The following CLMP variants were observed in gnomAD, a reference collection of about 807,000 sequenced individuals.
The protein encoded by CLMP is CXADR like cell adhesion molecule, also known as CXADR-like membrane protein.
A neutral mutation model predicts 45.2 loss-of-function variants in CLMP; 27 were observed. That is an observed-to-expected ratio of 0.60 (90% CI 0.44 to 0.82). The LOEUF (loss-of-function observed/expected upper bound fraction) is 0.82. CLMP is among the 40% of genes least tolerant of loss of function. The pLI, the probability that CLMP is intolerant of heterozygous loss-of-function variation, is 0.00. For synonymous variants in CLMP, 167 were observed against 171.4 expected (o/e 0.97, Z 0.20); for missense variants, 403 against 448.4 (o/e 0.90, Z 0.91).
rs577816384 is a variant in CLMP at position 123,190,725 on chromosome 11, T to C, written c.28+4188A>G. On this transcript the variant is annotated intron_variant, in intron 1 of 6. Coordinates refer to ENST00000448775, the MANE Select transcript of CLMP (RefSeq NM_024769.5). The stretch of plus-strand genomic sequence containing the variant: ...GAAATGTTATGACGCCTGCCTGATT[T>C]TTCAGGCAATTTCTCATATAATAAA... Among the ~76,000 whole-genome samples, 181 of 152,328 alleles carry C rather than the reference T, an allele frequency of 1.2e-3. 1 individual carries two copies. The highest frequency in any genetic ancestry group is 3.4e-3 in the Middle Eastern group (1 of 294).
chr11:123,191,639 A>G (rs1340719012), intron 1 of CLMP: 1 of 152,256 alleles, frequency 6.6e-6, no homozygotes, highest in African/African-American at 2.4e-5. Flanking sequence ...TTGCATTAAT[A>G]GACAAGGAAG....
intron 1 of CLMP, among the ~76,000 whole-genome samples, chr11:123,168,961 A>G (rs1168095414): frequency 1.3e-5 from 2 of 152,190 alleles, no homozygotes; most frequent in African/African-American, 4.8e-5. Context: ...ATGAGAGGGT[A>G]GTGGGGAAAC....
At chr11:123,105,399 TC>T (rs2135486512) in intron 1 of CLMP, among the ~76,000 whole-genome samples, 1 of 132,134 alleles carries the variant, frequency 7.6e-6, no homozygotes, top group Admixed American at 7.7e-5. Context: ...CTTCCTTCCT[TC>T]CTTCCTCTCT....
intron 1 of CLMP, among the ~76,000 whole-genome samples, chr11:123,149,786 T>C (rs76810576): frequency 1.3e-4 from 13 of 103,068 alleles, no homozygotes; most frequent in African/African-American, 5.6e-4. Context: ...TTTCTTTCTT[T>C]CTTCCTTTCT....
intron 1 of CLMP, among the ~76,000 whole-genome samples, chr11:123,110,211 T>A (rs1197948599): frequency 6.6e-6 from 1 of 152,036 alleles, no homozygotes; most frequent in East Asian, 1.9e-4. Flanking sequence ...ATCCCAGCAC[T>A]TTGGGGGGCT....
At chr11:123,150,480 A>AAAGAAAGAAAGAAAAAGGAAGG (rs764502298) in intron 1 of CLMP, among the ~76,000 whole-genome samples, 1 of 40,962 alleles carries the variant, frequency 2.4e-5, no homozygotes, top group Non-Finnish European at 4.7e-5. Context: ...AGAAAGAAAG[A>AAAGAAAGAAAGAAAAAGGAAGG]AAGGAAGGAA....
chr11:123,127,183 G>A (rs944787237), intron 1 of CLMP, among the ~76,000 whole-genome samples: 2 of 151,818 alleles, frequency 1.3e-5, no homozygotes, highest in Admixed American at 6.6e-5. Flanking sequence ...GTGCAGTGGC[G>A]TGATCTCAGC....
At chr11:123,167,854 C>T (rs1283070675) in intron 1 of CLMP, among the ~76,000 whole-genome samples, 1 of 152,176 alleles carries the variant, frequency 6.6e-6, no homozygotes, top group African/African-American at 2.4e-5. Context: ...AACATGCCTC[C>T]TTCCCTGTCC....
intron 1 of CLMP, among the ~76,000 whole-genome samples, chr11:123,116,424 C>A (rs916874672): frequency 6.6e-6 from 1 of 151,898 alleles, no homozygotes; most frequent in African/African-American, 2.4e-5. Flanking sequence ...AAAAATTAGC[C>A]AGGCATGGTG....
At chr11:123,152,173 AATT>A (rs1861344746) in intron 1 of CLMP, among the ~76,000 whole-genome samples, 3 of 152,164 alleles carry the variant, frequency 2.0e-5, no homozygotes, top group South Asian at 4.1e-4. Flanking sequence ...AAATCTTAAT[AATT>A]ATAAGGAGCT....
chr11:123,097,890 C>T lies in CLMP; in HGVS notation c.91G>A (p.Val31Ile), dbSNP rs140007158. 1.2e-5 allele frequency: 20 copies of T among 1,609,918 alleles called. No homozygotes were observed. The Middle Eastern group carries it at 8.2e-4, about 66-fold the overall frequency. ...TEIKRVAEEK[V>I]TLPCHHQLGL... ...AGTTGATGGTGGCAGGGCAAAGTGA[C>T]CTTTTCCTCTGCCACTCTCTTGATC... The change falls in exon 2 of 7, where the codon GTC becomes ATC. Residue 31 changes from valine (V) to isoleucine (I), a missense_variant. Physicochemically the swap from Val to Ile is conservative, Grantham distance 29. Coordinates refer to ENST00000448775, the MANE Select transcript of CLMP (RefSeq NM_024769.5).
rs2276348 is a variant in CLMP, at chr11:123,084,694, C to T, written c.206G>A (p.Arg69His). Residue 69 changes from arginine to histidine, a missense_variant, in exon 3 of 7, where the codon CGT (arginine) becomes CAT (histidine). Arg to His is a conservative substitution (Grantham distance 29, BLOSUM62 0). Coordinates refer to ENST00000448775, the MANE Select transcript of CLMP (RefSeq NM_024769.5). ...NQKVVITYSS[R>H]HVYNNLTEEQ... ...CTCAGTCAAGTTATTGTAGACATGA[C>T]GACTGGAGTAAGTGATCACCTGTGG... 0.024 allele frequency: 37,997 copies of T among 1,614,024 alleles called. 1,084 individuals carry two copies. The highest frequency in any genetic ancestry group is 0.17 in the East Asian group (7,666 of 44,864).
chr11:123,105,176 T>G (rs1348071381), intron 1 of CLMP, among the ~76,000 whole-genome samples: 2 of 152,196 alleles, frequency 1.3e-5, no homozygotes, highest in Non-Finnish European at 2.9e-5. Flanking sequence ...AAGAAGACAC[T>G]GAGGAAAGCA....
At chr11:123,092,831 C>T (rs1865948339) in intron 2 of CLMP, among the ~76,000 whole-genome samples, 2 of 151,356 alleles carry the variant, frequency 1.3e-5, no homozygotes, top group Admixed American at 1.3e-4. Flanking sequence ...AGCTCCTGAC[C>T]TCGTGATCTG....
chr11:123,112,808 C>G (rs1860658656), intron 1 of CLMP, among the ~76,000 whole-genome samples: 1 of 132,678 alleles, frequency 7.5e-6, no homozygotes, highest in Non-Finnish European at 1.6e-5. Context: ...AAGTCTCGCT[C>G]TGTCACCCAG....
intron 1 of CLMP, among the ~76,000 whole-genome samples, chr11:123,176,697 C>A (rs919252303): frequency 1.3e-5 from 2 of 152,166 alleles, no homozygotes; most frequent in Admixed American, 6.5e-5. Flanking sequence ...TCAGGCCAAG[C>A]CTTACCTTTG....
At chr11:123,074,212 T>C (rs1041362185) in intron 6 of CLMP, among the ~76,000 whole-genome samples, 1 of 150,960 alleles carries the variant, frequency 6.6e-6, no homozygotes, top group East Asian at 2.0e-4. Context: ...TCTTTCTCTG[T>C]CACCCAGGCT....
intron 1 of CLMP, among the ~76,000 whole-genome samples, chr11:123,114,585 G>A (rs948343018): frequency 2.6e-5 from 4 of 151,342 alleles, no homozygotes; most frequent in East Asian, 1.9e-4. Flanking sequence ...GATTACAGGC[G>A]TGAGACACCA....
chr11:123,175,755 G>A (rs1244684139), intron 1 of CLMP, among the ~76,000 whole-genome samples: 1 of 152,192 alleles, frequency 6.6e-6, no homozygotes, highest in Non-Finnish European at 1.5e-5. Context: ...AACTCAATGG[G>A]TTCCATATAT....
Sources: allele counts gnomAD v4.1 joint callset (sites outside exome capture counted in the v4.1 genomes callset), GRCh38; gene constraint gnomAD v4.1.1; transcripts MANE v1.5; gene names NCBI Gene and HGNC (gene_info 2026-07-23, HGNC 2026-07-21).